Variants in ADK observed in about 807,000 individuals in gnomAD.
ADK encodes adenosine kinase.
A neutral mutation model predicts 44.7 loss-of-function variants in ADK; 24 were observed. The ratio of observed to expected loss-of-function variants is 0.54; its 90% CI spans 0.39 to 0.76. The LOEUF is 0.76. Among genes scored for constraint, ADK ranks in the 30% least tolerant of loss-of-function variants. The probability of loss-of-function intolerance (pLI) is 0.00; values close to 1 mark genes in which losing one functional copy is unlikely to be tolerated. For missense variants in ADK, 321 were observed against 425.1 expected, an observed-to-expected ratio of 0.76 and a Z score of 2.15; for synonymous variants, 128 against 142.6, an observed-to-expected ratio of 0.90 and a Z score of 0.73.
chr10:74,251,646 T>A (rs1420502841), intron 3 of ADK, among the ~76,000 whole-genome samples: 1 of 152,100 alleles, frequency 6.6e-6, no homozygotes, highest in Non-Finnish European at 1.5e-5. Flanking sequence ...AGCAAATAAG[T>A]GGTGGATGGG....
Position 74,162,315 on chromosome 10 carries a change from G to A in ADK, c.65+10972G>A, listed in dbSNP as rs375485770. On this transcript the variant is annotated intron_variant, in intron 1 of 10. Coordinates refer to ENST00000539909, the MANE Select transcript of ADK (RefSeq NM_006721.4). Reference sequence around the variant, plus strand: ...ATTACAGGCGTGAGCCACTGGGCTCGGCTGCTTGTAGCATTTAATGGTGCA... The same window carrying A: ...ATTACAGGCGTGAGCCACTGGGCTCAGCTGCTTGTAGCATTTAATGGTGCA... Among the ~76,000 whole-genome samples the A allele has an allele frequency of 3.8e-4, 58 of 152,232 alleles. 2 individuals carry two copies. The highest frequency in any genetic ancestry group is 1.3e-3 in the African/African-American group (56 of 41,548).
intron 7 of ADK, among the ~76,000 whole-genome samples, chr10:74,533,901 A>G (rs1467442951): frequency 6.6e-6 from 1 of 152,246 alleles, no homozygotes; most frequent in African/African-American, 2.4e-5. Context: ...GTAACTGGTT[A>G]AACAAATTGT....
intron 6 of ADK, among the ~76,000 whole-genome samples, chr10:74,477,005 A>G (rs1264005178): frequency 6.6e-6 from 1 of 152,108 alleles, no homozygotes; most frequent in African/African-American, 2.4e-5. Context: ...TTTAAACCAG[A>G]TATTTTGGGG....
At chr10:74,207,706 G>C (rs747002394) in intron 2 of ADK, among the ~76,000 whole-genome samples, 1 of 152,138 alleles carries the variant, frequency 6.6e-6, no homozygotes, top group African/African-American at 2.4e-5. Flanking sequence ...TTGGTCCATG[G>C]GCGGCTATGG....
intron 6 of ADK, among the ~76,000 whole-genome samples, chr10:74,464,546 C>T (rs1363399449): frequency 6.6e-6 from 1 of 151,998 alleles, no homozygotes; most frequent in Non-Finnish European, 1.5e-5. Flanking sequence ...GGTGATACAG[C>T]GAGACCATGT....
intron 6 of ADK, among the ~76,000 whole-genome samples, chr10:74,441,840 A>G (rs1169121832): frequency 6.6e-6 from 1 of 152,206 alleles, no homozygotes; most frequent in Non-Finnish European, 1.5e-5. Flanking sequence ...CAAAATATGT[A>G]AGGAACTCAT....
At chr10:74,237,967 G>A (rs554851323) in intron 3 of ADK, among the ~76,000 whole-genome samples, 3 of 152,260 alleles carry the variant, frequency 2.0e-5, no homozygotes, top group East Asian at 3.9e-4. Context: ...GGCAGTGCAT[G>A]CCTGTAATCC....
At chr10:74,425,508 G>T (rs1426596637) in intron 6 of ADK, among the ~76,000 whole-genome samples, 1 of 150,934 alleles carries the variant, frequency 6.6e-6, no homozygotes, top group African/African-American at 2.4e-5. Context: ...AAAGCTGGCT[G>T]TCCAGGGCAA....
chr10:74,378,808 A>T (rs1043079873), intron 4 of ADK, among the ~76,000 whole-genome samples: 1 of 152,032 alleles, frequency 6.6e-6, no homozygotes, highest in African/African-American at 2.4e-5. Context: ...GTGTTTCAAA[A>T]TCCAGTAGGG....
At chr10:74,541,800 C>CCA (rs374181519) in intron 7 of ADK, among the ~76,000 whole-genome samples, 3 of 134,568 alleles carry the variant, frequency 2.2e-5, no homozygotes, top group South Asian at 2.8e-4. Context: ...ACACACCCCC[C>CCA]CCCCCTAAAA....
chr10:74,172,200 G>A (rs946333539), intron 1 of ADK, among the ~76,000 whole-genome samples: 4 of 146,744 alleles, frequency 2.7e-5, no homozygotes, highest in African/African-American at 1.0e-4. Flanking sequence ...TTGCAGCGGC[G>A]CAAACACAGC....
chr10:74,271,875 T>A (rs915552912), intron 3 of ADK, among the ~76,000 whole-genome samples: 3 of 152,160 alleles, frequency 2.0e-5, no homozygotes, highest in Non-Finnish European at 4.4e-5. Context: ...TATTTTCATA[T>A]TAGCTTGAAC....
intron 6 of ADK, among the ~76,000 whole-genome samples, chr10:74,399,065 C>G (rs1324650492): frequency 6.6e-6 from 1 of 151,816 alleles, no homozygotes; most frequent in Non-Finnish European, 1.5e-5. Context: ...CGTGACAAAT[C>G]TCTTAAATCT....
At chr10:74,201,406 T>A (rs1443589460) in intron 2 of ADK, among the ~76,000 whole-genome samples, 1 of 152,212 alleles carries the variant, frequency 6.6e-6, no homozygotes, top group African/African-American at 2.4e-5. Context: ...TGTGTCCTTG[T>A]TTTCAGTTTC....
intron 8 of ADK, among the ~76,000 whole-genome samples, chr10:74,594,817 C>T (rs1024318968): frequency 6.6e-6 from 1 of 152,104 alleles, no homozygotes; most frequent in Non-Finnish European, 1.5e-5. Flanking sequence ...TACATTCATA[C>T]TTGCACAAAC....
intron 6 of ADK, among the ~76,000 whole-genome samples, chr10:74,411,958 TAAG>T (rs1844197059): frequency 6.6e-6 from 1 of 152,224 alleles, no homozygotes; most frequent in African/African-American, 2.4e-5. Context: ...TGTTCATCTA[TAAG>T]AAGCAATTTC....
rs1290902908 is a variant in ADK at position 74,431,016 on chromosome 10, G to A, written c.555+32437G>A. 3.0e-5 allele frequency among the ~76,000 whole-genome samples: 4 copies of A among 134,914 alleles called. 1 individual carries two copies. The highest frequency in any genetic ancestry group is 4.7e-4 in the South Asian group (2 of 4,250). 88.5% of individuals were successfully genotyped at this position (134,914 alleles called of 152,430 possible). A position where few individuals can be genotyped will look rare whatever the true frequency, so the allele number is the denominator to read the frequency against. On this transcript the variant is annotated intron_variant, in intron 6 of 10. Transcript: ENST00000539909. Reference sequence around the variant, plus strand: ...TGCCCATCGGAGCTTGCAGTGAGCCGAGATCCCGCCACTGCACTCCAGCCT... The same window carrying A: ...TGCCCATCGGAGCTTGCAGTGAGCCAAGATCCCGCCACTGCACTCCAGCCT...
At chr10:74,287,265 C>G (rs1368184907) in intron 3 of ADK, among the ~76,000 whole-genome samples, 1 of 151,994 alleles carries the variant, frequency 6.6e-6, no homozygotes, top group Non-Finnish European at 1.5e-5. Flanking sequence ...GAGATCAAGA[C>G]CATCCTGGCT....
chr10:74,439,375 T>G lies in ADK; in HGVS notation c.555+40796T>G, dbSNP rs1845313279. On this transcript the variant is annotated intron_variant, in intron 6 of 10. Transcript: ENST00000539909. Reference sequence around the variant, plus strand: ...TTGAGTTCAGGAAGTACTTTAAATTTACAGGCAGCTTTGAAGACATGAAGC... The same window carrying G: ...TTGAGTTCAGGAAGTACTTTAAATTGACAGGCAGCTTTGAAGACATGAAGC... Among the ~76,000 whole-genome samples the G allele has an allele frequency of 2.0e-5, 3 of 152,188 alleles. No individual in the cohort carries two copies. In the South Asian group the frequency reaches 6.2e-4, roughly 32 times the overall value.
Sources: allele counts gnomAD v4.1 joint callset (sites outside exome capture counted in the v4.1 genomes callset), GRCh38; gene constraint gnomAD v4.1.1; transcripts MANE v1.5; gene names NCBI Gene and HGNC (gene_info 2026-07-23, HGNC 2026-07-21).